The following ADAM23 variants were observed in gnomAD, a reference collection of about 807,000 sequenced individuals.
ADAM23 encodes the protein ADAM metallopeptidase domain 23, also known as disintegrin and metalloproteinase domain-containing protein 23.
ADAM23 carries 33 observed loss-of-function variants against 120.1 expected under a neutral mutation model. That is an observed-to-expected ratio of 0.27 (90% CI 0.21 to 0.37). The LOEUF is 0.37. ADAM23 is among the 10% of genes least tolerant of loss of function. The pLI is 1.00. For missense variants in ADAM23, 862 were observed against 1,058.2 expected (o/e 0.81, Z 2.57); for synonymous variants, 367 against 375.2 (o/e 0.98, Z 0.25).
intron 24 of ADAM23, among the ~76,000 whole-genome samples, chr2:206,602,722 A>G (rs1046294515): frequency 6.6e-6 from 1 of 152,176 alleles, no homozygotes; most frequent in Non-Finnish European, 1.5e-5. Flanking sequence ...GAAGCATGAC[A>G]TGTCTATAAA....
intron 24 of ADAM23, among the ~76,000 whole-genome samples, chr2:206,602,415 T>C (rs1698655216): frequency 6.6e-6 from 1 of 152,192 alleles, no homozygotes; most frequent in Non-Finnish European, 1.5e-5. Flanking sequence ...GTATAATGTA[T>C]TGAAATATGG....
chr2:206,573,017 A>T, intron 17 of ADAM23, 98 bp from the exon 18 acceptor site: 3 of 1,181,218 alleles, frequency 2.5e-6, no homozygotes, highest in Non-Finnish European at 3.8e-6. Context: ...GGTGTTAGTT[A>T]TGCGAGAGTA....
intron 3 of ADAM23, among the ~76,000 whole-genome samples, chr2:206,506,437 C>T (rs1351541619): frequency 6.6e-6 from 1 of 152,166 alleles, no homozygotes; most frequent in African/African-American, 2.4e-5. Flanking sequence ...TAAGCCTTTG[C>T]TCTCAAGGTT....
intron 24 of ADAM23, among the ~76,000 whole-genome samples, chr2:206,601,690 C>A (rs1300154899): frequency 2.0e-5 from 3 of 151,602 alleles, no homozygotes; most frequent in African/African-American, 7.3e-5. Flanking sequence ...GGGAGGATCA[C>A]CTAATCCCAT....
At chr2:206,534,876 G>T (rs562057831) in intron 4 of ADAM23, among the ~76,000 whole-genome samples, 1 of 151,814 alleles carries the variant, frequency 6.6e-6, no homozygotes, top group Non-Finnish European at 1.5e-5. Flanking sequence ...TTCCTATTCC[G>T]TTGCTCATTC....
chr2:206,612,977 A>G (rs1348245241), intron 25 of ADAM23, among the ~76,000 whole-genome samples: 3 of 152,192 alleles, frequency 2.0e-5, no homozygotes, highest in Non-Finnish European at 4.4e-5. Flanking sequence ...TTCCTGAAGA[A>G]TTTTTAAATG....
Position 206,589,484 on chromosome 2 carries a change from A to G in ADAM23, c.1928A>G (p.Asp643Gly). 3 of 1,613,876 alleles carry G rather than the reference A, an allele frequency of 1.9e-6. No homozygotes were observed. The highest frequency in any genetic ancestry group is 1.3e-5 in the African/African-American group (1 of 75,068). Reference sequence around the variant, plus strand: ...ACTGAGAAGGGAAACTGCGGGAAGGATGGAGACCGGTGGATTCAGTGCAGC... The same window carrying G: ...ACTGAGAAGGGAAACTGCGGGAAGGGTGGAGACCGGTGGATTCAGTGCAGC... Reference protein sequence around the residue: ...EGTEKGNCGKDGDRWIQCSKH... With the variant: ...EGTEKGNCGKGGDRWIQCSKH... Residue 643 changes from aspartate to glycine, a missense_variant, in exon 21 of 26, where the codon GAT becomes GGT. Physicochemically the swap from Asp to Gly is moderately conservative, Grantham distance 94 (BLOSUM62 -1). Coordinates refer to ENST00000264377, the MANE Select transcript of ADAM23 (RefSeq NM_003812.4).
intron 2 of ADAM23, among the ~76,000 whole-genome samples, chr2:206,457,296 C>T (rs2105855699): frequency 6.6e-6 from 1 of 152,324 alleles, no homozygotes; most frequent in African/African-American, 2.4e-5. Context: ...TGAGGAAATG[C>T]AACCAGAGAA....
chr2:206,535,157 T>G (rs1697145144), intron 4 of ADAM23, among the ~76,000 whole-genome samples: 1 of 152,162 alleles, frequency 6.6e-6, no homozygotes, highest in African/African-American at 2.4e-5. Flanking sequence ...GATTCTCAAC[T>G]AATCCTCTCC....
At chr2:206,559,692 C>T (rs1697719425) in intron 10 of ADAM23, among the ~76,000 whole-genome samples, 1 of 152,202 alleles carries the variant, frequency 6.6e-6, no homozygotes, top group Admixed American at 6.5e-5. Flanking sequence ...GGAATCCTTA[C>T]TGTCTCTCCC....
intron 4 of ADAM23, among the ~76,000 whole-genome samples, chr2:206,541,577 A>G (rs1464968567): frequency 6.6e-6 from 1 of 152,204 alleles, no homozygotes; most frequent in Non-Finnish European, 1.5e-5. Flanking sequence ...ACTTGTAGTT[A>G]TTATTTGACT....
Position 206,619,321 on chromosome 2 carries a change from A to G in ADAM23, c.*1694A>G, listed in dbSNP as rs1028238153. The stretch of plus-strand genomic sequence containing the variant: ...TTCCAAGTCCCTCTGAGTTTCCTTC[A>G]CTTTTACTGATTTTTTTCTTCTAAA... On this transcript the variant is annotated 3_prime_UTR_variant, in exon 26 of 26. Transcript: ENST00000264377. The G allele has an allele frequency of 2.6e-5, 4 of 152,086 alleles. No individual in the cohort carries two copies. The highest frequency in any genetic ancestry group is 9.7e-5 in the African/African-American group (4 of 41,404). 9.4% of individuals were successfully genotyped at this position (152,086 alleles called of 1,614,324 possible). A position where few individuals can be genotyped will look rare whatever the true frequency, so the allele number is the denominator to read the frequency against.
chr2:206,559,655 G>A (rs1489878180), intron 10 of ADAM23, among the ~76,000 whole-genome samples: 2 of 152,130 alleles, frequency 1.3e-5, no homozygotes, highest in Non-Finnish European at 1.5e-5. Flanking sequence ...TTTACTGAAC[G>A]ATGTTTTAAA....
intron 12 of ADAM23, among the ~76,000 whole-genome samples, chr2:206,561,702 C>T (rs1697771399): frequency 6.6e-6 from 1 of 152,050 alleles, no homozygotes; most frequent in Non-Finnish European, 1.5e-5. Flanking sequence ...GATTTTAATA[C>T]TTTCAGTTTT....
At chr2:206,606,100 C>T (rs1698724019) in intron 24 of ADAM23, among the ~76,000 whole-genome samples, 1 of 152,238 alleles carries the variant, frequency 6.6e-6, no homozygotes, top group African/African-American at 2.4e-5. Context: ...ACTGGGTGTG[C>T]TTCCGATATC....
chr2:206,615,916 C>T (rs1698927653), intron 25 of ADAM23, among the ~76,000 whole-genome samples: 1 of 152,134 alleles, frequency 6.6e-6, no homozygotes, highest in African/African-American at 2.4e-5. Flanking sequence ...TCGGTCATTC[C>T]CGAATTTGAA....
At position 206,617,788 on chromosome 2, in the gene ADAM23, G is replaced by A. The variant is rs1431762782; in HGVS notation, c.*161G>A. On this transcript the variant is annotated 3_prime_UTR_variant, in exon 26 of 26. Transcript: ENST00000264377. ...GACAAGGATGGGGTAAAAGAAAACT[G>A]TCTCTTTTGGAAATAATGTCAAAGA... 2.1e-6 allele frequency: 3 copies of A among 1,399,632 alleles called. No homozygotes were observed. The highest frequency in any genetic ancestry group is 2.8e-6 in the Non-Finnish European group (3 of 1,066,794). The allele number at this position is 1,399,632 out of a possible 1,614,324, so 86.7% of individuals were successfully genotyped here. A position where few individuals can be genotyped will look rare whatever the true frequency, so the allele number is the denominator to read the frequency against.
chr2:206,529,264 C>T (rs1437628690), intron 3 of ADAM23, among the ~76,000 whole-genome samples: 1 of 152,162 alleles, frequency 6.6e-6, no homozygotes, highest in Non-Finnish European at 1.5e-5. Flanking sequence ...TCACAATGTT[C>T]TATGAGATTC....
At chr2:206,475,399 G>A (rs1695755734) in intron 2 of ADAM23, among the ~76,000 whole-genome samples, 1 of 152,030 alleles carries the variant, frequency 6.6e-6, no homozygotes, top group Non-Finnish European at 1.5e-5. Context: ...TCACAAGCTG[G>A]ACTTTCATGT....
Sources: gnomAD v4.1 joint callset for allele counts (sites outside exome capture counted in the v4.1 genomes callset) on GRCh38, gnomAD v4.1.1 for gene constraint, MANE v1.5 for transcripts, NCBI Gene and HGNC (gene_info 2026-07-23, HGNC 2026-07-21) for gene names.